The following KCNIP4 variants were observed in gnomAD, a reference collection of about 807,000 sequenced individuals.
KCNIP4 encodes the protein potassium voltage-gated channel interacting protein 4, also known as Kv channel-interacting protein 4.
Under a neutral mutation model 34.0 loss-of-function variants are expected in KCNIP4, and 12 were observed. That is an observed-to-expected ratio of 0.35 (90% confidence interval 0.23 to 0.57). KCNIP4 has a LOEUF of 0.57. KCNIP4 is among the 20% of genes least tolerant of loss of function. KCNIP4 has a pLI of 0.83. For missense variants in KCNIP4, 238 were observed against 311.7 expected (o/e 0.76, Z 1.78); for synonymous variants, 124 against 102.2 (o/e 1.21, Z -1.29).
chr4:21,181,760 C>A (rs570533112), intron 1 of KCNIP4, among the ~76,000 whole-genome samples: 4 of 152,268 alleles, frequency 2.6e-5, no homozygotes, highest in African/African-American at 9.6e-5. Context: ...GCATTCATTA[C>A]ATACCATTAC....
At chr4:21,824,555 C>T (rs1220204396) in intron 1 of KCNIP4, among the ~76,000 whole-genome samples, 1 of 152,002 alleles carries the variant, frequency 6.6e-6, no homozygotes, top group African/African-American at 2.4e-5. Flanking sequence ...CCACTTGGAC[C>T]CCCTATGATT....
intron 2 of KCNIP4, among the ~76,000 whole-genome samples, chr4:20,860,130 T>C (rs1041385025): frequency 3.3e-5 from 5 of 152,110 alleles, no homozygotes; most frequent in Admixed American, 1.3e-4. Flanking sequence ...CATTTCTTTT[T>C]TTTTTCTTCT....
intron 1 of KCNIP4, among the ~76,000 whole-genome samples, chr4:21,492,441 C>G (rs1462563677): frequency 6.6e-6 from 1 of 152,052 alleles, no homozygotes; most frequent in Admixed American, 6.6e-5. Flanking sequence ...CCAGGCTGCT[C>G]TCGAACTCCT....
chr4:21,021,983 T>C (rs1286886898), intron 1 of KCNIP4, among the ~76,000 whole-genome samples: 1 of 152,188 alleles, frequency 6.6e-6, no homozygotes, highest in Non-Finnish European at 1.5e-5. Flanking sequence ...GTGTGTGCTA[T>C]GCTTTGATCA....
At chr4:21,233,888 T>C (rs556991019) in intron 1 of KCNIP4, among the ~76,000 whole-genome samples, 82 of 140,166 alleles carry the variant, frequency 5.9e-4, no homozygotes, top group African/African-American at 2.1e-3. Flanking sequence ...ATAACTAATA[T>C]ATATCACATA....
chr4:20,794,135 G>A (rs13129781), intron 3 of KCNIP4, among the ~76,000 whole-genome samples: 26,237 of 152,054 alleles, frequency 0.17, 2,623 homozygotes, highest in East Asian at 0.41. Context: ...CCCCACCCAT[G>A]TGGAAGTGTG....
intron 1 of KCNIP4, among the ~76,000 whole-genome samples, chr4:20,888,897 G>A (rs541271262): frequency 6.6e-6 from 1 of 152,056 alleles, no homozygotes; most frequent in Non-Finnish European, 1.5e-5. Flanking sequence ...TACCATGCCT[G>A]GTTTGTAAAT....
chr4:21,536,054 G>T (rs1737139039), intron 1 of KCNIP4, among the ~76,000 whole-genome samples: 1 of 152,078 alleles, frequency 6.6e-6, no homozygotes, highest in African/African-American at 2.4e-5. Context: ...GTGATTCCTG[G>T]AGACTCTCAC....
chr4:21,709,410 T>C (rs965324027), intron 1 of KCNIP4, among the ~76,000 whole-genome samples: 16 of 152,138 alleles, frequency 1.1e-4, no homozygotes, highest in African/African-American at 3.9e-4. Context: ...GTGATATCAT[T>C]CCTGAAGACA....
chr4:21,417,766 A>G (rs577967197), intron 1 of KCNIP4, among the ~76,000 whole-genome samples: 1 of 152,266 alleles, frequency 6.6e-6, no homozygotes, highest in Non-Finnish European at 1.5e-5. Flanking sequence ...CTCACAGATA[A>G]TAAGGGACAT....
intron 1 of KCNIP4, among the ~76,000 whole-genome samples, chr4:21,764,195 C>T (rs2109175642): frequency 6.6e-6 from 1 of 152,162 alleles, no homozygotes; most frequent in East Asian, 1.9e-4. Flanking sequence ...TGATTTCAGA[C>T]AATTGCGTGG....
At chr4:21,074,673 C>T (rs1308363420) in intron 1 of KCNIP4, among the ~76,000 whole-genome samples, 1 of 152,128 alleles carries the variant, frequency 6.6e-6, no homozygotes, top group African/African-American at 2.4e-5. Context: ...TTCTTGCCTT[C>T]TGCTAGCTTT....
At chr4:21,796,876 C>T (rs990143807) in intron 1 of KCNIP4, among the ~76,000 whole-genome samples, 5 of 152,180 alleles carry the variant, frequency 3.3e-5, no homozygotes, top group Admixed American at 2.0e-4. Context: ...TTAAGTGATA[C>T]AGTATTTTAC....
chr4:21,870,596 G>T (rs969797629), intron 1 of KCNIP4, among the ~76,000 whole-genome samples: 1 of 152,188 alleles, frequency 6.6e-6, no homozygotes, highest in South Asian at 2.1e-4. Context: ...CCCATAAAAA[G>T]AATTCCTCTT....
chr4:21,366,857 T>G (rs1161285739), intron 1 of KCNIP4, among the ~76,000 whole-genome samples: 1 of 152,090 alleles, frequency 6.6e-6, no homozygotes, highest in Non-Finnish European at 1.5e-5. Flanking sequence ...AATTATGCAC[T>G]AAAAATGGGG....
chr4:21,177,621 G>A (rs1161432408), intron 1 of KCNIP4, among the ~76,000 whole-genome samples: 2 of 151,988 alleles, frequency 1.3e-5, no homozygotes, highest in African/African-American at 4.8e-5. Context: ...CCTGAGGTCA[G>A]GAATTTGAGA....
chr4:20,752,310 C>T (rs145304841), intron 4 of KCNIP4, among the ~76,000 whole-genome samples: 168 of 152,216 alleles, frequency 1.1e-3, no homozygotes, highest in African/African-American at 3.6e-3. Context: ...CAGCCTGCCT[C>T]AGCCTCCCAA....
In KCNIP4 at chr4:21,833,105, T is replaced by C. The variant is rs369778250; in HGVS notation, c.61+115466A>G. 2.1e-3 allele frequency among the ~76,000 whole-genome samples: 321 copies of C among 150,384 alleles called. 1 individual carries two copies. Among genetic ancestry groups the C allele is most frequent in the Non-Finnish European group, 2.0e-3 (133 of 67,766 alleles). On this transcript the variant is annotated intron_variant, in intron 1 of 8. Transcript: ENST00000382152. ...ATTTATAGTCCTTTGGGTATATACCTAGTAATGGGATGGCTGGGTCAAATG... is the reference window on the plus strand; with the variant it reads ...ATTTATAGTCCTTTGGGTATATACCCAGTAATGGGATGGCTGGGTCAAATG...
intron 1 of KCNIP4, among the ~76,000 whole-genome samples, chr4:21,349,315 T>C (rs546684000): frequency 6.6e-5 from 10 of 152,238 alleles, no homozygotes; most frequent in Non-Finnish European, 1.0e-4. Context: ...GTGCCTGCTA[T>C]AGAGAAAGCA....
Sources: allele counts gnomAD v4.1 joint callset (sites outside exome capture counted in the v4.1 genomes callset), GRCh38; gene constraint gnomAD v4.1.1; transcripts MANE v1.5; gene names NCBI Gene and HGNC (gene_info 2026-07-23, HGNC 2026-07-21).